The following FMNL2 variants were observed in gnomAD, a reference collection of about 807,000 sequenced individuals.
FMNL2 encodes the protein formin like 2.
FMNL2 carries 51 observed loss-of-function variants against 130.2 expected under a neutral mutation model. The ratio of observed to expected loss-of-function variants is 0.39; its 90% CI spans 0.31 to 0.49. The LOEUF (loss-of-function observed/expected upper bound fraction) is 0.49, where lower values mean the gene tolerates loss of function less well. FMNL2 is among the 20% of genes least tolerant of loss of function. The probability of loss-of-function intolerance (pLI) is 0.85; values close to 1 mark genes in which losing one functional copy is unlikely to be tolerated. For missense variants in FMNL2, 977 were observed against 1,316.2 expected (o/e 0.74, Z 3.99); for synonymous variants, 465 against 467.1 (o/e 1.00, Z 0.06).
chr2:152,555,830 A>G (rs1270798064), intron 4 of FMNL2, among the ~76,000 whole-genome samples: 1 of 152,228 alleles, frequency 6.6e-6, no homozygotes, highest in African/African-American at 2.4e-5. Flanking sequence ...CTGTTTGCCT[A>G]TTGGCAACAT....
intron 2 of FMNL2, among the ~76,000 whole-genome samples, chr2:152,533,525 C>T (rs143365246): frequency 3.0e-4 from 43 of 143,822 alleles, no homozygotes; most frequent in African/African-American, 1.0e-3. Flanking sequence ...GTCTTGAAAT[C>T]AGGTAGTGTC....
At chr2:152,390,439 A>C in intron 1 of FMNL2, 1 of 1,246,664 alleles carries the variant, frequency 8.0e-7, no homozygotes, top group Non-Finnish European at 1.2e-6. Context: ...ATCAATACCA[A>C]GATGATTAAC....
intron 9 of FMNL2, among the ~76,000 whole-genome samples, chr2:152,591,840 A>G (rs1188547269): frequency 6.6e-6 from 1 of 151,930 alleles, no homozygotes; most frequent in Non-Finnish European, 1.5e-5. Context: ...TGCGGTGGCT[A>G]ACGCCTGTAA....
chr2:152,453,221 G>C (rs1688748287), intron 1 of FMNL2, among the ~76,000 whole-genome samples: 1 of 145,960 alleles, frequency 6.9e-6, no homozygotes, highest in Non-Finnish European at 1.5e-5. Flanking sequence ...GGGTGGGGGT[G>C]GGGGTGGGGA....
chr2:152,497,821 C>G (rs1408014275), intron 1 of FMNL2, among the ~76,000 whole-genome samples: 2 of 152,140 alleles, frequency 1.3e-5, no homozygotes, highest in Non-Finnish European at 2.9e-5. Context: ...CTCAGACTCA[C>G]CAGGCTGAAA....
intron 1 of FMNL2, among the ~76,000 whole-genome samples, chr2:152,346,071 C>T (rs1231508152): frequency 2.0e-5 from 3 of 152,038 alleles, no homozygotes; most frequent in African/African-American, 7.2e-5. Flanking sequence ...GTTGCCCACG[C>T]TGGAGTGCAG....
intron 1 of FMNL2, among the ~76,000 whole-genome samples, chr2:152,470,397 A>C (rs1327175368): frequency 6.6e-6 from 1 of 152,256 alleles, no homozygotes; most frequent in Non-Finnish European, 1.5e-5. Flanking sequence ...TATCACTTGA[A>C]GATTTAGATG....
chr2:152,467,652 T>A (rs1050320152), intron 1 of FMNL2, among the ~76,000 whole-genome samples: 1 of 152,200 alleles, frequency 6.6e-6, no homozygotes, highest in Admixed American at 6.5e-5. Flanking sequence ...AGGATGTAAA[T>A]GATATAGGGT....
At chr2:152,503,735 A>G (rs948021527) in intron 1 of FMNL2, among the ~76,000 whole-genome samples, 8 of 152,202 alleles carry the variant, frequency 5.3e-5, no homozygotes, top group African/African-American at 1.7e-4. Context: ...GGAACTGCAG[A>G]AAAGAGTGAG....
intron 2 of FMNL2, among the ~76,000 whole-genome samples, chr2:152,523,284 TTTTC>T (rs1280624686): frequency 1.1e-4 from 16 of 152,308 alleles, no homozygotes; most frequent in African/African-American, 3.6e-4. Flanking sequence ...CTGGTCATTG[TTTTC>T]CTTGGCTGCT....
intron 1 of FMNL2, among the ~76,000 whole-genome samples, chr2:152,451,147 A>G (rs1000647801): frequency 6.6e-6 from 1 of 151,836 alleles, no homozygotes; most frequent in Non-Finnish European, 1.5e-5. Context: ...CTTGGACTTC[A>G]GTTTTTTTTT....
At chr2:152,415,071 C>T (rs1392252972) in intron 1 of FMNL2, among the ~76,000 whole-genome samples, 2 of 151,968 alleles carry the variant, frequency 1.3e-5, no homozygotes, top group Admixed American at 1.3e-4. Context: ...TGCTGTGGGT[C>T]ACTAATACTT....
intron 1 of FMNL2, among the ~76,000 whole-genome samples, chr2:152,362,213 C>T (rs993075546): frequency 7.2e-5 from 11 of 152,020 alleles, no homozygotes; most frequent in African/African-American, 2.2e-4. Flanking sequence ...GTTTGACTCT[C>T]GGGATGGTTG....
chr2:152,619,306 T>G, intron 14 of FMNL2, 148 bp downstream of exon 14: 1 of 1,303,706 alleles, frequency 7.7e-7, no homozygotes, highest in African/African-American at 1.5e-5. Context: ...TGTTTACATT[T>G]TGAGATTAAA....
chr2:152,489,575 G>A (rs1691025574), intron 1 of FMNL2, among the ~76,000 whole-genome samples: 1 of 152,208 alleles, frequency 6.6e-6, no homozygotes, highest in South Asian at 2.1e-4. Context: ...GCTAGGCACT[G>A]GATGGTCCTC....
intron 1 of FMNL2, among the ~76,000 whole-genome samples, chr2:152,436,639 AAG>A (rs1337734063): frequency 6.6e-6 from 1 of 152,088 alleles, no homozygotes; most frequent in African/African-American, 2.4e-5. Context: ...GCCTATGAAA[AAG>A]AGAGGATGAA....
chr2:152,569,950 G>A (rs1696084919), intron 6 of FMNL2, among the ~76,000 whole-genome samples: 1 of 151,658 alleles, frequency 6.6e-6, no homozygotes, highest in Admixed American at 6.6e-5. Context: ...GACAGAGGTT[G>A]CAGTGAGCCA....
chr2:152,558,712 A>T, intron 4 of FMNL2, 28 bp from the exon 5 acceptor site: 1 of 1,500,962 alleles, frequency 6.7e-7, no homozygotes, highest in South Asian at 1.2e-5. Flanking sequence ...AATTTCTCCA[A>T]TGATTTTTTT....
Position 152,619,549 on chromosome 2 carries a change from G to A in FMNL2, c.1668G>A (p.Pro556=). The change falls in exon 15 of 26, where the codon CCG becomes CCA. Residue 556 remains proline, a synonymous_variant. Transcript: ENST00000288670. ...GPVTPPMPPP[P]PPPPPPPPPP... is the part of the protein sequence containing the mutation. ...TAACACCACCTATGCCACCGCCGCC[G>A]CCGCCCCCTCCTCCACCTCCTCCTC... The A allele has an allele frequency of 7.2e-7, 1 of 1,395,012 alleles. No individual in the cohort carries two copies. Among genetic ancestry groups the A allele is most frequent in the East Asian group, 2.8e-5 (1 of 35,870 alleles). The allele number at this position is 1,395,012 out of a possible 1,614,324, so 86.4% of individuals were successfully genotyped here. A position where few individuals can be genotyped will look rare whatever the true frequency, so the allele number is the denominator to read the frequency against.
Sources: allele counts gnomAD v4.1 joint callset (sites outside exome capture counted in the v4.1 genomes callset), GRCh38; gene constraint gnomAD v4.1.1; transcripts MANE v1.5; gene names NCBI Gene and HGNC (gene_info 2026-07-23, HGNC 2026-07-21).